The following CPED1 variants were observed in gnomAD, a reference collection of about 807,000 sequenced individuals.
CPED1 encodes the protein cadherin like and PC-esterase domain containing 1.
Under a neutral mutation model 128.2 loss-of-function variants are expected in CPED1, and 114 were observed. That is an observed-to-expected ratio of 0.89 (90% CI 0.76 to 1.04). The LOEUF (loss-of-function observed/expected upper bound fraction) is 1.04. Among genes scored for constraint, CPED1 ranks in the 50% least tolerant of loss-of-function variants. The pLI, the probability that CPED1 is intolerant of heterozygous loss-of-function variation, is 0.00. For synonymous variants in CPED1, 462 were observed against 426.7 expected (o/e 1.08, Z -1.02); for missense variants, 1,211 against 1,207.1 (o/e 1.00, Z -0.05).
intron 16 of CPED1, among the ~76,000 whole-genome samples, chr7:121,199,713 G>GAAAGAAAGA: frequency 7.5e-6 from 1 of 132,826 alleles, no homozygotes; most frequent in Admixed American, 7.5e-5. Flanking sequence ...AAGAAAGAAA[G>GAAAGAAAGA]AAAGAAAAGA....
chr7:121,283,941 G>A (rs1476941838), intron 22 of CPED1, among the ~76,000 whole-genome samples: 2 of 152,076 alleles, frequency 1.3e-5, no homozygotes, highest in Non-Finnish European at 2.9e-5. Context: ...ACTTTTTTCA[G>A]CAGTTACTTA....
intron 3 of CPED1, among the ~76,000 whole-genome samples, chr7:121,031,651 A>T (rs1287588393): frequency 6.6e-6 from 1 of 152,128 alleles, no homozygotes; most frequent in Non-Finnish European, 1.5e-5. Context: ...CAGTGCTGAT[A>T]CCCTATGTGT....
intron 16 of CPED1, among the ~76,000 whole-genome samples, chr7:121,206,482 GGTT>G (rs1331241457): frequency 6.6e-6 from 1 of 151,814 alleles, no homozygotes; most frequent in Non-Finnish European, 1.5e-5. Flanking sequence ...TTTTAATAAT[GGTT>G]GTTTTAATAT....
intron 16 of CPED1, among the ~76,000 whole-genome samples, chr7:121,232,583 T>A (rs776939045): frequency 6.6e-6 from 1 of 152,088 alleles, no homozygotes; most frequent in Non-Finnish European, 1.5e-5. Flanking sequence ...AGTGAATTTA[T>A]CTCCCCAGGA....
chr7:121,244,208 G>A lies in CPED1; in HGVS notation c.2180G>A (p.Trp727Ter). 1 of 1,614,146 alleles carries A rather than the reference G, an allele frequency of 6.2e-7. No individual in the cohort carries two copies. The highest frequency in any genetic ancestry group is 1.7e-5 in the Admixed American group (1 of 60,024). Residue 727 changes from tryptophan (W) to a stop codon, truncating the protein, a stop_gained, in exon 18 of 23, where the codon TGG becomes TAG. Coordinates refer to ENST00000310396, the MANE Select transcript of CPED1 (RefSeq NM_024913.5). LOFTEE classifies it high-confidence loss of function. ...GTTTTGCCATCTATTCCAGGCCAGTGGATTGTGCCTTGCCTTAGTTGTTCG... is the reference window on the plus strand; with the variant it reads ...GTTTTGCCATCTATTCCAGGCCAGTAGATTGTGCCTTGCCTTAGTTGTTCG... ...RCPSGDMKGQ[W>*]IVPCLSCSDN... is the part of the protein sequence containing the mutation.
At chr7:121,077,145 G>A (rs543058638) in intron 5 of CPED1, among the ~76,000 whole-genome samples, 1 of 152,102 alleles carries the variant, frequency 6.6e-6, no homozygotes. Flanking sequence ...CTCTAGAGTA[G>A]ATTAACAGCA....
At position 121,244,302 on chromosome 7, in the gene CPED1, T is replaced by A; in HGVS notation, c.2274T>A (p.Thr758=). The A allele has an allele frequency of 6.2e-7, 1 of 1,614,098 alleles. No individual in the cohort carries two copies. The highest frequency in any genetic ancestry group is 8.5e-7 in the Non-Finnish European group (1 of 1,180,012). Residue 758 remains threonine (T), a synonymous_variant, in exon 18 of 23, where the codon ACT becomes ACA. Transcript: ENST00000310396. The part of the protein sequence containing the change: ...QPHNCQYGVL[T]KPQLQQCLGG... ...ACAACTGCCAATATGGTGTCCTAAC[T>A]AAGCCTCAACTCCAGCAGTGCCTGG... is the stretch of plus-strand genomic sequence containing the variant.
intron 2 of CPED1, among the ~76,000 whole-genome samples, chr7:120,998,768 C>T (rs373490564): frequency 7.9e-5 from 12 of 151,694 alleles, no homozygotes; most frequent in East Asian, 7.7e-4. Context: ...TATCACTCAA[C>T]GTCAGACTTG....
chr7:121,124,389 T>C lies in CPED1; in HGVS notation c.977T>C (p.Ile326Thr), dbSNP rs17143165. ...RASSPQQAFD[I>T]MKEAIGKLLL... ...AGTTCACCTCAACAGGCTTTTGACA[T>C]TATGAAGGAAGCAATTGGCAAACTA... is the stretch of plus-strand genomic sequence containing the variant. The change falls in exon 8 of 23, where the codon ATT becomes ACT. Residue 326 changes from isoleucine (I) to threonine (T), a missense_variant. Coordinates refer to ENST00000310396, the MANE Select transcript of CPED1 (RefSeq NM_024913.5). The C allele has an allele frequency of 2.1e-3, 3,307 of 1,609,110 alleles. 53 individuals are homozygous for C. In the African/African-American group the frequency reaches 0.035, roughly 17 times the overall value.
chr7:121,098,499 AG>A (rs1443006579), intron 6 of CPED1, among the ~76,000 whole-genome samples: 3 of 151,888 alleles, frequency 2.0e-5, no homozygotes, highest in Non-Finnish European at 4.4e-5. Context: ...TGGGAGGTCA[AG>A]GCAGGAGGAT....
chr7:121,113,543 C>G (rs1454968521), intron 7 of CPED1, among the ~76,000 whole-genome samples: 1 of 152,118 alleles, frequency 6.6e-6, no homozygotes, highest in Non-Finnish European at 1.5e-5. Flanking sequence ...ATGAATCATG[C>G]AGGTGAAAAC....
chr7:121,257,511 A>ATT (rs538720133), intron 18 of CPED1, among the ~76,000 whole-genome samples: 22 of 150,550 alleles, frequency 1.5e-4, no homozygotes, highest in South Asian at 4.2e-4. Context: ...TGAGAAAGAT[A>ATT]TTTTTTTTTT....
intron 16 of CPED1, among the ~76,000 whole-genome samples, chr7:121,206,971 TG>T (rs2116581168): frequency 6.6e-6 from 1 of 152,164 alleles, no homozygotes; most frequent in Admixed American, 6.6e-5. Context: ...TGCATACATT[TG>T]TATTTTAAAA....
At chr7:121,246,721 C>G (rs909058280) in intron 18 of CPED1, among the ~76,000 whole-genome samples, 10 of 151,974 alleles carry the variant, frequency 6.6e-5, no homozygotes, top group African/African-American at 1.9e-4. Flanking sequence ...TTACTAATTT[C>G]TAGGCTGATT....
At chr7:121,113,505 A>C (rs1795162735) in intron 7 of CPED1, among the ~76,000 whole-genome samples, 2 of 152,160 alleles carry the variant, frequency 1.3e-5, no homozygotes, top group Admixed American at 1.3e-4. Context: ...ATGAAGAGGG[A>C]TGTTTACATT....
chr7:121,099,913 T>G lies in CPED1; in HGVS notation c.750-13T>G, dbSNP rs767723334. 1.9e-4 allele frequency: 304 copies of G among 1,602,262 alleles called. No individual in the cohort carries two copies. The highest frequency in any genetic ancestry group is 2.5e-4 in the Non-Finnish European group (294 of 1,174,394). On this transcript the variant is annotated splice_polypyrimidine_tract_variant and intron_variant, in intron 6 of 22. Coordinates refer to ENST00000310396, the MANE Select transcript of CPED1 (RefSeq NM_024913.5). ...CATTATGGAGCGCTAACTATGTTTT[T>G]TTTTTTTTTTAGGAATGAAACGACA...
intron 22 of CPED1, 92 bp downstream of exon 22, chr7:121,271,522 G>A: frequency 7.7e-7 from 1 of 1,302,832 alleles, no homozygotes; most frequent in Middle Eastern, 1.9e-4. Context: ...TATTTTGCAT[G>A]AAACAAAAAA....
At chr7:121,076,930 TA>T (rs151289514) in intron 5 of CPED1, among the ~76,000 whole-genome samples, 3 of 151,110 alleles carry the variant, frequency 2.0e-5, no homozygotes, top group African/African-American at 4.9e-5. Context: ...CTCTAAACTT[TA>T]AAAAAAAATA....
chr7:121,036,124 T>TA (rs1367232614), intron 3 of CPED1, among the ~76,000 whole-genome samples: 2 of 152,084 alleles, frequency 1.3e-5, no homozygotes, highest in East Asian at 1.9e-4. Context: ...CTGCATGCAT[T>TA]AAAAAAATTT....
Sources: gnomAD v4.1 joint callset for allele counts (sites outside exome capture counted in the v4.1 genomes callset) on GRCh38, gnomAD v4.1.1 for gene constraint, MANE v1.5 for transcripts, NCBI Gene and HGNC (gene_info 2026-07-23, HGNC 2026-07-21) for gene names.